Variants in MACROD2 observed in about 807,000 individuals in gnomAD.
The protein encoded by MACROD2 is mono-ADP ribosylhydrolase 2, also known as ADP-ribose glycohydrolase MACROD2.
MACROD2 carries 36 observed loss-of-function variants against 70.4 expected under a neutral mutation model. That is an observed-to-expected ratio of 0.51 (90% CI 0.39 to 0.68). MACROD2 has a LOEUF of 0.68. Among genes scored for constraint, MACROD2 ranks in the 30% least tolerant of loss-of-function variants. The probability of loss-of-function intolerance (pLI) is 0.00; values close to 1 mark genes in which losing one functional copy is unlikely to be tolerated. For missense variants in MACROD2, 496 were observed against 538.4 expected (o/e 0.92, Z 0.78); for synonymous variants, 172 against 178.8 (o/e 0.96, Z 0.30).
chr20:15,741,640 T>C (rs1193179280), intron 8 of MACROD2, among the ~76,000 whole-genome samples: 1 of 152,178 alleles, frequency 6.6e-6, no homozygotes, highest in Non-Finnish European at 1.5e-5. Context: ...GGGCACCATA[T>C]ATAAGAAAGC....
chr20:14,143,817 T>G (rs2054908673), intron 3 of MACROD2, among the ~76,000 whole-genome samples: 1 of 152,194 alleles, frequency 6.6e-6, no homozygotes, highest in Admixed American at 6.5e-5. Context: ...GAAACATTTC[T>G]GAAGAAATTA....
rs796980341 is a variant in MACROD2, at chr20:14,898,942, C to T, written c.418+213983C>T. On this transcript the variant is annotated intron_variant, in intron 5 of 17. Transcript: ENST00000684519. ...ATAAAGCTGTATGACACTAAAAATT[C>T]TTCATTAAATCATGCCTTTTTTTCT... 5.9e-4 allele frequency among the ~76,000 whole-genome samples: 90 copies of T among 152,298 alleles called. 1 individual carries two copies. The highest frequency in any genetic ancestry group is 1.8e-3 in the African/African-American group (75 of 41,566).
At chr20:15,358,625 C>T (rs1333539700) in intron 6 of MACROD2, among the ~76,000 whole-genome samples, 4 of 152,052 alleles carry the variant, frequency 2.6e-5, no homozygotes, top group Non-Finnish European at 4.4e-5. Flanking sequence ...TAAAAGTTAT[C>T]TTAGCTTGGG....
Position 15,431,450 on chromosome 20 carries a change from T to C in MACROD2, c.571+15T>C. ...AGGCATTTATGGTAAGTGATACAGC[T>C]TTTGATGATGTTTGTATTTCTTTAT... On this transcript the variant is annotated intron_variant, in intron 7 of 17. Coordinates refer to ENST00000684519, the MANE Select transcript of MACROD2 (RefSeq NM_001351661.2). The C allele has an allele frequency of 6.2e-7, 1 of 1,608,764 alleles. No homozygotes were observed. Among genetic ancestry groups the C allele is most frequent in the Non-Finnish European group, 8.5e-7 (1 of 1,176,114 alleles).
At chr20:15,403,644 C>T (rs185006425) in intron 6 of MACROD2, among the ~76,000 whole-genome samples, 8 of 152,226 alleles carry the variant, frequency 5.3e-5, no homozygotes, top group East Asian at 1.9e-4. Context: ...CTGGGCCATG[C>T]GGTCTAAGTG....
At chr20:14,884,920 T>C (rs2073655019) in intron 5 of MACROD2, among the ~76,000 whole-genome samples, 1 of 152,186 alleles carries the variant, frequency 6.6e-6, no homozygotes, top group South Asian at 2.1e-4. Flanking sequence ...GCCCATCTAA[T>C]TGCCAGTCAG....
chr20:14,729,178 G>A (rs990358965), intron 5 of MACROD2, among the ~76,000 whole-genome samples: 9 of 152,094 alleles, frequency 5.9e-5, no homozygotes, highest in Non-Finnish European at 1.2e-4. Flanking sequence ...AATTTCATCT[G>A]TTATTCTGAC....
At chr20:15,522,914 C>G (rs1350333611) in intron 8 of MACROD2, among the ~76,000 whole-genome samples, 3 of 152,120 alleles carry the variant, frequency 2.0e-5, no homozygotes, top group Non-Finnish European at 4.4e-5. Flanking sequence ...GACACAAATT[C>G]ACTTTCTGCC....
intron 4 of MACROD2, among the ~76,000 whole-genome samples, chr20:14,679,214 A>G (rs1198400191): frequency 6.6e-6 from 1 of 152,262 alleles, no homozygotes. Flanking sequence ...GGGAACATAA[A>G]GAGACATTTA....
In MACROD2 at chr20:15,252,928, G is replaced by T. The variant is rs149097217; in HGVS notation, c.540+22867G>T. Among the ~76,000 whole-genome samples the T allele has an allele frequency of 2.0e-5, 3 of 152,276 alleles. No homozygotes were observed. In the East Asian group the frequency reaches 5.8e-4, roughly 29 times the overall value. On this transcript the variant is annotated intron_variant, in intron 6 of 17. Transcript: ENST00000684519. The stretch of plus-strand genomic sequence containing the variant: ...TCACTTTGATGGGGTCAGCATATTC[G>T]CCCCTTGACTCTGTAGGTCCAAAAT...
chr20:15,029,061 T>C (rs1299601760), intron 5 of MACROD2, among the ~76,000 whole-genome samples: 1 of 152,102 alleles, frequency 6.6e-6, no homozygotes, highest in African/African-American at 2.4e-5. Flanking sequence ...TCACAGGGCA[T>C]GGGGAGCAAG....
chr20:14,540,775 A>C (rs770973906), intron 4 of MACROD2, among the ~76,000 whole-genome samples: 2 of 152,226 alleles, frequency 1.3e-5, no homozygotes, highest in African/African-American at 2.4e-5. Flanking sequence ...CAGCACCCTT[A>C]GAGAGGCTGG....
rs576102282 is a variant in MACROD2 at position 14,619,740 on chromosome 20, A to G, written c.302-65103A>G. Among the ~76,000 whole-genome samples, 13 of 152,116 alleles carry G rather than the reference A, an allele frequency of 8.5e-5. No homozygotes were observed. In the East Asian group the frequency reaches 2.5e-3, roughly 30 times the overall value. On this transcript the variant is annotated intron_variant, in intron 4 of 17. Coordinates refer to ENST00000684519, the MANE Select transcript of MACROD2 (RefSeq NM_001351661.2). ...AATATGGCTGTTATCAATCCATACTACCTTGTAAGATGACTGGCCAGCTTA... is the reference window on the plus strand; with the variant it reads ...AATATGGCTGTTATCAATCCATACTGCCTTGTAAGATGACTGGCCAGCTTA...
At chr20:14,464,751 TTTC>T (rs2084419976) in intron 3 of MACROD2, among the ~76,000 whole-genome samples, 1 of 152,090 alleles carries the variant, frequency 6.6e-6, no homozygotes. Flanking sequence ...TTCTCGTTGG[TTTC>T]AAAGAACATC....
intron 11 of MACROD2, among the ~76,000 whole-genome samples, chr20:15,934,713 T>G (rs2065631976): frequency 6.6e-6 from 1 of 151,006 alleles, no homozygotes; most frequent in Non-Finnish European, 1.5e-5. Context: ...GTTTTGTTTT[T>G]TTGAGATGGA....
At chr20:15,044,887 A>G (rs983258517) in intron 5 of MACROD2, among the ~76,000 whole-genome samples, 2 of 152,188 alleles carry the variant, frequency 1.3e-5, no homozygotes, top group East Asian at 1.9e-4. Flanking sequence ...TTGTTTATCC[A>G]TAGAAATATT....
At chr20:15,133,550 A>T (rs1304007162) in intron 5 of MACROD2, among the ~76,000 whole-genome samples, 1 of 152,086 alleles carries the variant, frequency 6.6e-6, no homozygotes, top group Non-Finnish European at 1.5e-5. Context: ...TTGATAAAGG[A>T]CTCTCAATTC....
chr20:14,544,370 TTCTAA>T (rs2085467689), intron 4 of MACROD2, among the ~76,000 whole-genome samples: 1 of 152,154 alleles, frequency 6.6e-6, no homozygotes, highest in Admixed American at 6.5e-5. Context: ...AGATTCTGTC[TTCTAA>T]TCTTATTAAT....
chr20:15,339,040 GC>G (rs1403068359), intron 6 of MACROD2, among the ~76,000 whole-genome samples: 1 of 151,678 alleles, frequency 6.6e-6, no homozygotes, highest in Non-Finnish European at 1.5e-5. Flanking sequence ...ATCTATTATA[GC>G]TGGCCTCTAG....
Sources: allele counts gnomAD v4.1 joint callset (sites outside exome capture counted in the v4.1 genomes callset), GRCh38; gene constraint gnomAD v4.1.1; transcripts MANE v1.5; gene names NCBI Gene and HGNC (gene_info 2026-07-23, HGNC 2026-07-21).